KCNIP4: variants seen among roughly 807,000 people sequenced by gnomAD.
The protein encoded by KCNIP4 is potassium voltage-gated channel interacting protein 4, also known as Kv channel-interacting protein 4.
Under a neutral mutation model 34.0 loss-of-function variants are expected in KCNIP4, and 12 were observed. That is an observed-to-expected ratio of 0.35 (90% confidence interval 0.23 to 0.57). The LOEUF (loss-of-function observed/expected upper bound fraction) is 0.57. Ranked by LOEUF, KCNIP4 falls within the 20% of genes least tolerant of loss-of-function variation. The probability of loss-of-function intolerance (pLI) is 0.83; values close to 1 mark genes in which losing one functional copy is unlikely to be tolerated. For synonymous variants in KCNIP4, 124 were observed against 102.2 expected (o/e 1.21, Z -1.29); for missense variants, 238 against 311.7 (o/e 0.76, Z 1.78).
intron 1 of KCNIP4, among the ~76,000 whole-genome samples, chr4:21,644,154 C>A (rs1024622854): frequency 6.6e-6 from 1 of 152,046 alleles, no homozygotes; most frequent in African/African-American, 2.4e-5. Flanking sequence ...ACTCCATGAA[C>A]TCAAGATTGC....
At chr4:21,707,414 CT>C (rs369801829) in intron 1 of KCNIP4, among the ~76,000 whole-genome samples, 6 of 151,972 alleles carry the variant, frequency 3.9e-5, no homozygotes, top group African/African-American at 1.4e-4. Flanking sequence ...TTGAACTATT[CT>C]TTGTTTGGTT....
At chr4:21,869,783 T>TAGACAGACAGACAGACAGAC (rs1278922960) in intron 1 of KCNIP4, among the ~76,000 whole-genome samples, 1 of 143,768 alleles carries the variant, frequency 7.0e-6, no homozygotes, top group African/African-American at 2.7e-5. Context: ...GATAGATAGA[T>TAGACAGACAGACAGACAGAC]AGACAGACAG....
intron 1 of KCNIP4, among the ~76,000 whole-genome samples, chr4:21,692,052 GTTGA>G (rs1229918608): frequency 6.6e-6 from 1 of 152,086 alleles, no homozygotes; most frequent in Non-Finnish European, 1.5e-5. Flanking sequence ...CGTGAAACAT[GTTGA>G]TTAATTTAGC....
At chr4:21,421,023 C>T (rs541545681) in intron 1 of KCNIP4, among the ~76,000 whole-genome samples, 90 of 152,200 alleles carry the variant, frequency 5.9e-4, no homozygotes, top group Non-Finnish European at 1.0e-3. Flanking sequence ...AAATGGCCAA[C>T]GGGCATATGA....
intron 1 of KCNIP4, among the ~76,000 whole-genome samples, chr4:21,588,083 A>C (rs1741787436): frequency 6.6e-6 from 1 of 152,064 alleles, no homozygotes; most frequent in African/African-American, 2.4e-5. Flanking sequence ...AACTAAAATA[A>C]TTATTCCATG....
rs1024374155 is a variant in KCNIP4 at position 21,901,890 on chromosome 4, C to T, written c.61+46681G>A. ...AGAATAGGCCCTCCTATTCCCTCCC[C>T]GATCCCATTGATCTGCCCAAAGACA... On this transcript the variant is annotated intron_variant, in intron 1 of 8. Transcript: ENST00000382152. Among the ~76,000 whole-genome samples the T allele has an allele frequency of 5.9e-5, 9 of 152,188 alleles. No homozygotes were observed. In the South Asian group the frequency reaches 1.0e-3, roughly 18 times the overall value.
intron 1 of KCNIP4, among the ~76,000 whole-genome samples, chr4:21,813,941 G>A (rs192061093): frequency 1.1e-4 from 16 of 152,220 alleles, no homozygotes; most frequent in African/African-American, 3.9e-4. Context: ...AATTAAATAT[G>A]ATACCAAAAG....
intron 1 of KCNIP4, among the ~76,000 whole-genome samples, chr4:20,883,542 T>C (rs1485422478): frequency 6.6e-6 from 1 of 152,088 alleles, no homozygotes; most frequent in African/African-American, 2.4e-5. Context: ...CACCCTGAGG[T>C]CTCAGACACT....
chr4:21,605,696 G>T (rs903362342), intron 1 of KCNIP4, among the ~76,000 whole-genome samples: 8 of 152,120 alleles, frequency 5.3e-5, no homozygotes, highest in South Asian at 2.1e-4. Context: ...GGCCAGGCTG[G>T]TCTCGAATTC....
chr4:21,825,516 TAA>T (rs1478154109), intron 1 of KCNIP4, among the ~76,000 whole-genome samples: 3 of 152,146 alleles, frequency 2.0e-5, no homozygotes, highest in African/African-American at 7.2e-5. Context: ...CTTGTATATA[TAA>T]AGATTTTATT....
intron 3 of KCNIP4, among the ~76,000 whole-genome samples, chr4:20,769,768 T>G (rs1755713575): frequency 6.6e-6 from 1 of 152,190 alleles, no homozygotes; most frequent in Non-Finnish European, 1.5e-5. Context: ...AGAATTCAGC[T>G]TCTGTGGTTG....
At position 21,824,050 on chromosome 4, in the gene KCNIP4, C is replaced by T. The variant is rs1040536377; in HGVS notation, c.61+124521G>A. ...GCTTGCTGCTTTTCATGTTTAGCTA[C>T]GATGTGAAGAAGCCTGGGCTAGCCT... On this transcript the variant is annotated intron_variant, in intron 1 of 8. Coordinates refer to ENST00000382152, the MANE Select transcript of KCNIP4 (RefSeq NM_025221.6). Among the ~76,000 whole-genome samples the T allele has an allele frequency of 6.6e-5, 10 of 152,186 alleles. No homozygotes were observed. The East Asian group carries it at 1.4e-3, about 21-fold the overall frequency.
intron 1 of KCNIP4, among the ~76,000 whole-genome samples, chr4:21,902,179 G>A (rs1727741414): frequency 6.6e-6 from 1 of 152,074 alleles, no homozygotes; most frequent in Admixed American, 6.6e-5. Context: ...ATGCCTGTTT[G>A]GGTGGTGTCA....
intron 1 of KCNIP4, among the ~76,000 whole-genome samples, chr4:21,106,569 T>C (rs1339934162): frequency 2.2e-5 from 3 of 136,614 alleles, no homozygotes; most frequent in East Asian, 2.0e-4. Flanking sequence ...CATTAATTTT[T>C]TGAAGGGTTT....
intron 1 of KCNIP4, among the ~76,000 whole-genome samples, chr4:20,981,700 AAC>A (rs2149692206): frequency 6.6e-6 from 1 of 152,226 alleles, no homozygotes; most frequent in East Asian, 1.9e-4. Context: ...GGACTGACTC[AAC>A]AAGTATATGT....
intron 1 of KCNIP4, among the ~76,000 whole-genome samples, chr4:21,791,927 G>C (rs745990472): frequency 1.4e-5 from 2 of 142,368 alleles, no homozygotes; most frequent in Non-Finnish European, 3.0e-5. Flanking sequence ...ACTTGAACTC[G>C]GGAGGCGGAG....
chr4:21,414,104 A>T (rs186904248), intron 1 of KCNIP4, among the ~76,000 whole-genome samples: 1 of 152,316 alleles, frequency 6.6e-6, no homozygotes, highest in East Asian at 1.9e-4. Flanking sequence ...ATCTATAAGT[A>T]AATATAGAGT....
rs190530848 is a variant in KCNIP4, at chr4:20,815,226, C to T, written c.288+35317G>A. ...AATCACTAGGAAAAATAAGGAAATA[C>T]TATTTTCATATATGTTTATGTATTC... On this transcript the variant is annotated intron_variant, in intron 3 of 8. Transcript: ENST00000382152. Among the ~76,000 whole-genome samples, 160 of 152,214 alleles carry T rather than the reference C, an allele frequency of 1.1e-3. 1 individual carries two copies. The highest frequency in any genetic ancestry group is 5.6e-4 in the Non-Finnish European group (38 of 68,018).
At chr4:20,929,265 A>T (rs1441199270) in intron 1 of KCNIP4, among the ~76,000 whole-genome samples, 1 of 152,072 alleles carries the variant, frequency 6.6e-6, no homozygotes, top group Non-Finnish European at 1.5e-5. Flanking sequence ...CATTAACAGG[A>T]TGAAAGATAA....
Sources: gnomAD v4.1 joint callset for allele counts (sites outside exome capture counted in the v4.1 genomes callset) on GRCh38, gnomAD v4.1.1 for gene constraint, MANE v1.5 for transcripts, NCBI Gene and HGNC (gene_info 2026-07-23, HGNC 2026-07-21) for gene names.